Variants in IMMP2L observed in about 807,000 individuals in gnomAD.
The protein encoded by IMMP2L is inner mitochondrial membrane peptidase subunit 2, also known as mitochondrial inner membrane protease subunit 2.
IMMP2L carries 18 observed loss-of-function variants against 19.3 expected under a neutral mutation model. That is an observed-to-expected ratio of 0.93 (90% confidence interval 0.64 to 1.38). The LOEUF (loss-of-function observed/expected upper bound fraction) is 1.38. IMMP2L is among the 40% of genes most tolerant of loss of function. The probability of loss-of-function intolerance (pLI) is 0.00; values close to 1 mark genes in which losing one functional copy is unlikely to be tolerated. For missense variants in IMMP2L, 233 were observed against 218.2 expected, an observed-to-expected ratio of 1.07 and a Z score of -0.43; for synonymous variants, 76 against 73.0, an observed-to-expected ratio of 1.04 and a Z score of -0.21.
intron 2 of IMMP2L, among the ~76,000 whole-genome samples, chr7:111,499,984 C>A (rs1479344433): frequency 2.0e-5 from 3 of 152,118 alleles, no homozygotes; most frequent in Non-Finnish European, 2.9e-5. Flanking sequence ...GAGCACCAGG[C>A]ACAAGCCAAA....
At chr7:111,283,973 A>C (rs919162911) in intron 3 of IMMP2L, among the ~76,000 whole-genome samples, 1 of 148,782 alleles carries the variant, frequency 6.7e-6, no homozygotes, top group African/African-American at 2.4e-5. Context: ...TCCGTCTCAA[A>C]AAAAAAAAAA....
chr7:111,497,554 G>A (rs1197600826), intron 2 of IMMP2L, among the ~76,000 whole-genome samples: 1 of 151,798 alleles, frequency 6.6e-6, no homozygotes, highest in African/African-American at 2.4e-5. Flanking sequence ...ATGCGACATA[G>A]AAAAAACAAA....
chr7:111,484,769 A>T (rs1842483510), intron 3 of IMMP2L, among the ~76,000 whole-genome samples: 2 of 152,186 alleles, frequency 1.3e-5, no homozygotes, highest in Non-Finnish European at 1.5e-5. Flanking sequence ...TGGTCTAGAA[A>T]GCATGTTTCA....
intron 1 of IMMP2L, among the ~76,000 whole-genome samples, chr7:111,539,208 A>AGGAAGGAAGGAAGGAAGG (rs1291310513): frequency 2.2e-5 from 1 of 45,706 alleles, no homozygotes. Flanking sequence ...GAAAGAAAGA[A>AGGAAGGAAGGAAGGAAGG]AGAAAGAAAG....
chr7:111,340,542 T>G (rs933977782), intron 3 of IMMP2L, among the ~76,000 whole-genome samples: 45 of 152,142 alleles, frequency 3.0e-4, no homozygotes, highest in African/African-American at 9.1e-4. Context: ...GGAGAATTCT[T>G]TAGCTGTATC....
At chr7:110,707,225 A>T (rs1584567892) in intron 5 of IMMP2L, among the ~76,000 whole-genome samples, 1 of 56,332 alleles carries the variant, frequency 1.8e-5, no homozygotes, top group Non-Finnish European at 3.5e-5. Flanking sequence ...CTCATTGTTC[A>T]ATTCCCACCT....
chr7:110,882,348 CCTCTCTCCCTCTCTCTCTCT>C (rs146518115), intron 5 of IMMP2L, among the ~76,000 whole-genome samples: 1,614 of 136,986 alleles, frequency 0.012, 39 homozygotes, highest in African/African-American at 0.041. Flanking sequence ...TTCCCTCCTT[CCTCTCTCCCTCTCTCTCTCT>C]CTCTCTCCCT....
intron 3 of IMMP2L, among the ~76,000 whole-genome samples, chr7:111,348,347 A>C (rs559993961): frequency 6.6e-6 from 1 of 152,176 alleles, no homozygotes; most frequent in African/African-American, 2.4e-5. Context: ...TGCTTATATA[A>C]AATCTTTATA....
chr7:111,121,918 G>A (rs1405367628), intron 3 of IMMP2L, among the ~76,000 whole-genome samples: 1 of 152,144 alleles, frequency 6.6e-6, no homozygotes, highest in South Asian at 2.1e-4. Context: ...ATGAGTTCAT[G>A]TCCTTTGTAG....
chr7:111,008,402 C>T (rs1282017556), intron 3 of IMMP2L, among the ~76,000 whole-genome samples: 1 of 152,020 alleles, frequency 6.6e-6, no homozygotes, highest in Admixed American at 6.6e-5. Flanking sequence ...ATTGCTCTTC[C>T]CCCAGATATC....
At chr7:111,311,608 T>C (rs540301455) in intron 3 of IMMP2L, among the ~76,000 whole-genome samples, 6 of 152,298 alleles carry the variant, frequency 3.9e-5, no homozygotes, top group East Asian at 1.9e-4. Context: ...AGGGATACAG[T>C]TGCCCTCATT....
At chr7:111,541,651 T>C (rs909041767) in intron 1 of IMMP2L, among the ~76,000 whole-genome samples, 12 of 152,142 alleles carry the variant, frequency 7.9e-5, no homozygotes, top group Admixed American at 7.9e-4. Flanking sequence ...ACAATGACTG[T>C]GACAATAAAT....
chr7:110,889,500 G>T (rs569195766), intron 4 of IMMP2L, among the ~76,000 whole-genome samples: 1 of 152,208 alleles, frequency 6.6e-6, no homozygotes, highest in East Asian at 1.9e-4. Context: ...GATTTGGCAC[G>T]AGGCGGGGCT....
intron 4 of IMMP2L, among the ~76,000 whole-genome samples, 177 bp from the exon 5 acceptor site, chr7:110,886,872 T>A (rs552658444): frequency 6.6e-6 from 1 of 152,282 alleles, no homozygotes; most frequent in South Asian, 2.1e-4. Flanking sequence ...AATCTATTCA[T>A]AGCATTTTTT....
intron 4 of IMMP2L, among the ~76,000 whole-genome samples, chr7:110,945,785 A>G (rs1817191869): frequency 1.3e-5 from 2 of 150,736 alleles, no homozygotes; most frequent in Admixed American, 1.4e-4. Flanking sequence ...ATTAGGGTGG[A>G]GGTTGTGAGC....
intron 3 of IMMP2L, among the ~76,000 whole-genome samples, chr7:111,242,785 G>T (rs1815263297): frequency 6.6e-6 from 1 of 151,698 alleles, no homozygotes; most frequent in Non-Finnish European, 1.5e-5. Flanking sequence ...ATTCTGGGAG[G>T]CTAAAAACAC....
At chr7:111,095,218 T>C (rs1483349545) in intron 3 of IMMP2L, among the ~76,000 whole-genome samples, 1 of 151,972 alleles carries the variant, frequency 6.6e-6, no homozygotes, top group Non-Finnish European at 1.5e-5. Context: ...GTCTAATATG[T>C]TCATTTGATA....
At chr7:110,959,098 A>C (rs545186591) in intron 4 of IMMP2L, among the ~76,000 whole-genome samples, 4 of 151,960 alleles carry the variant, frequency 2.6e-5, no homozygotes, top group Non-Finnish European at 5.9e-5. Context: ...CCTTCAATTA[A>C]TCCTTCAAGG....
intron 1 of IMMP2L, among the ~76,000 whole-genome samples, chr7:111,542,350 CTA>C (rs1302169276): frequency 6.6e-6 from 1 of 152,082 alleles, no homozygotes; most frequent in Non-Finnish European, 1.5e-5. Flanking sequence ...TTTTATATCA[CTA>C]TGTTAAACAC....
Sources: allele counts gnomAD v4.1 joint callset (sites outside exome capture counted in the v4.1 genomes callset), GRCh38; gene constraint gnomAD v4.1.1; transcripts MANE v1.5; gene names NCBI Gene and HGNC (gene_info 2026-07-23, HGNC 2026-07-21).